The following PATJ variants were observed in gnomAD, a reference collection of about 807,000 sequenced individuals.
PATJ encodes inaD-like protein.
PATJ carries 190 observed loss-of-function variants against 224.9 expected under a neutral mutation model. The ratio of observed to expected loss-of-function variants is 0.84; its 90% CI spans 0.75 to 0.95. PATJ has a LOEUF of 0.95. PATJ is among the 40% of genes least tolerant of loss of function. The probability of loss-of-function intolerance (pLI) is 0.00; values close to 1 mark genes in which losing one functional copy is unlikely to be tolerated. For missense variants in PATJ, 2,121 were observed against 2,270.3 expected, an observed-to-expected ratio of 0.93 and a Z score of 1.34; for synonymous variants, 769 against 820.3, an observed-to-expected ratio of 0.94 and a Z score of 1.07.
In PATJ at chr1:62,111,377, A is replaced by G. The variant is rs574060306; in HGVS notation, c.4462-2676A>G. Among the ~76,000 whole-genome samples the G allele has an allele frequency of 7.2e-5, 11 of 152,334 alleles. No individual in the cohort carries two copies. The South Asian group carries it at 2.3e-3, about 32-fold the overall frequency. The stretch of plus-strand genomic sequence containing the variant: ...ATTCATTGGCCTAAAGTAGCAGTGA[A>G]TGATCATGCTGAGAGGAAAAACAGC... On this transcript the variant is annotated intron_variant, in intron 34 of 43. Transcript: ENST00000642238.
At position 61,766,312 on chromosome 1, in the gene PATJ, T is replaced by G. The variant is rs1401096524; in HGVS notation, c.223T>G (p.Phe75Val). The G allele has an allele frequency of 1.9e-6, 3 of 1,611,568 alleles. No individual in the cohort carries two copies. The highest frequency in any genetic ancestry group is 2.2e-5 in the East Asian group (1 of 44,786). ...TATACCCTCAGATTGTTCAGCCAAC[T>G]TTGATTTTTCTAGGAAAGGTTTGTT... Reference protein sequence around the residue: ...NHIPSDCSANFDFSRKGLLVF... With the variant: ...NHIPSDCSANVDFSRKGLLVF... Residue 75 changes from phenylalanine (F) to valine (V), a missense_variant, in exon 4 of 44, where the codon TTT becomes GTT. Transcript: ENST00000642238.
At chr1:61,979,356 C>T (rs1458926556) in intron 27 of PATJ, among the ~76,000 whole-genome samples, 1 of 151,960 alleles carries the variant, frequency 6.6e-6, no homozygotes, top group Non-Finnish European at 1.5e-5. Context: ...GCCTTTATAA[C>T]AACAAAAGAC....
In PATJ at chr1:61,990,236, A is replaced by T. The variant is rs1644986196; in HGVS notation, c.3739A>T (p.Asn1247Tyr). The change falls in exon 28 of 44, where the codon AAT becomes TAT. Residue 1247 changes from asparagine (N) to tyrosine (Y), a missense_variant. Coordinates refer to ENST00000642238, the MANE Select transcript of PATJ (RefSeq NM_001350145.3). ...LHIIELEKDK[N>Y]GLGLSLAGNK... is the part of the protein sequence containing the mutation. ...CATTATTGAACTTGAAAAAGATAAG[A>T]ATGGACTTGGACTCAGCCTTGCTGG... is the stretch of plus-strand genomic sequence containing the variant. The T allele has an allele frequency of 1.9e-6, 3 of 1,613,824 alleles. No individual in the cohort carries two copies. The highest frequency in any genetic ancestry group is 2.5e-6 in the Non-Finnish European group (3 of 1,179,890).
At chr1:61,922,916 A>T (rs1296042606) in intron 26 of PATJ, among the ~76,000 whole-genome samples, 2 of 152,262 alleles carry the variant, frequency 1.3e-5, no homozygotes, top group African/African-American at 4.8e-5. Flanking sequence ...AGGTGAATGA[A>T]CTTGTTACTA....
intron 39 of PATJ, among the ~76,000 whole-genome samples, 164 bp downstream of exon 39, chr1:62,123,222 C>T (rs539587489): frequency 1.3e-5 from 2 of 152,012 alleles, no homozygotes; most frequent in Non-Finnish European, 2.9e-5. Context: ...TAGAAAAGTA[C>T]AGTAGAGCAC....
intron 20 of PATJ, chr1:61,865,167 TGTGTATATATATAC>T (rs1292865600): frequency 1.3e-5 from 2 of 152,212 alleles, no homozygotes; most frequent in Non-Finnish European, 2.9e-5. Flanking sequence ...GCATTGTGTG[TGTGTATATATATAC>T]GTGTATATAT....
chr1:62,092,011 G>A (rs1454115978), intron 33 of PATJ, among the ~76,000 whole-genome samples: 3 of 147,724 alleles, frequency 2.0e-5, no homozygotes, highest in East Asian at 2.0e-4. Context: ...AGCCGAGATC[G>A]CACCGCTGCA....
intron 6 of PATJ, among the ~76,000 whole-genome samples, chr1:61,774,961 A>G (rs112447846): frequency 5.9e-5 from 9 of 152,286 alleles, no homozygotes; most frequent in African/African-American, 1.7e-4. Context: ...TTATGATCCA[A>G]TATTCTGCCT....
At chr1:61,948,414 G>A (rs139394634) in intron 27 of PATJ, among the ~76,000 whole-genome samples, 6,598 of 152,232 alleles carry the variant, frequency 0.043, 535 homozygotes, top group African/African-American at 0.15. Flanking sequence ...GATATGGACA[G>A]ACACTTCTCA....
At position 62,159,672 on chromosome 1, in the gene PATJ, G is replaced by T. The variant is rs901788767; in HGVS notation, c.5503-1236G>T. Among the ~76,000 whole-genome samples the T allele has an allele frequency of 3.3e-5, 5 of 150,562 alleles. No homozygotes were observed. In the Admixed American group the frequency reaches 3.3e-4, roughly 10 times the overall value. On this transcript the variant is annotated intron_variant, in intron 43 of 43. Coordinates refer to ENST00000642238, the MANE Select transcript of PATJ (RefSeq NM_001350145.3). ...AGGTTCAAGTGATCCTCCTGCCTCAGCCTCCCGAGGAGCTGGGACCACAGG... is the reference window on the plus strand; with the variant it reads ...AGGTTCAAGTGATCCTCCTGCCTCATCCTCCCGAGGAGCTGGGACCACAGG...
rs113907179 is a variant in PATJ at position 61,870,076 on chromosome 1, G to A, written c.2836-5167G>A. Among the ~76,000 whole-genome samples the A allele has an allele frequency of 6.4e-3, 975 of 152,378 alleles. 14 individuals carry two copies. The highest frequency in any genetic ancestry group is 0.022 in the African/African-American group (934 of 41,600). On this transcript the variant is annotated intron_variant, in intron 20 of 43. Coordinates refer to ENST00000642238, the MANE Select transcript of PATJ (RefSeq NM_001350145.3). The stretch of plus-strand genomic sequence containing the variant: ...GCTGCCCTCTGCCAGCGAGGGCAAA[G>A]GGCCAGTGTGACAGCCTTTTGTATC...
intron 40 of PATJ, 99 bp downstream of exon 40, chr1:62,128,193 C>A: frequency 2.9e-6 from 4 of 1,391,892 alleles, no homozygotes; most frequent in South Asian, 1.3e-5. Flanking sequence ...ATTCCAGTAG[C>A]CATCAGAGAC....
intron 26 of PATJ, among the ~76,000 whole-genome samples, chr1:61,917,474 A>G (rs1673616732): frequency 6.8e-6 from 1 of 147,090 alleles, no homozygotes; most frequent in Non-Finnish European, 1.5e-5. Flanking sequence ...AAGTATGTGC[A>G]TCTATAAATT....
chr1:61,761,483 A>G (rs1361734124), intron 1 of PATJ, among the ~76,000 whole-genome samples: 1 of 152,156 alleles, frequency 6.6e-6, no homozygotes, highest in East Asian at 1.9e-4. Flanking sequence ...GTTTAATATA[A>G]GTTTTATGTG....
intron 41 of PATJ, among the ~76,000 whole-genome samples, chr1:62,147,289 G>A (rs758406507): frequency 3.1e-5 from 3 of 96,066 alleles, no homozygotes; most frequent in Non-Finnish European, 4.0e-5. Flanking sequence ...TTAAATAATA[G>A]AAGGAATGGC....
chr1:61,939,832 C>A (rs1677521602), intron 27 of PATJ, among the ~76,000 whole-genome samples: 1 of 151,552 alleles, frequency 6.6e-6, no homozygotes, highest in African/African-American at 2.4e-5. Flanking sequence ...CACCACCATG[C>A]CTGACTAATT....
chr1:61,984,715 A>T (rs1644648447), intron 27 of PATJ, among the ~76,000 whole-genome samples: 1 of 152,100 alleles, frequency 6.6e-6, no homozygotes, highest in Non-Finnish European at 1.5e-5. Flanking sequence ...GTTGAGAATT[A>T]GCTAGAACAT....
intron 37 of PATJ, among the ~76,000 whole-genome samples, chr1:62,119,232 A>T (rs1664788299): frequency 1.3e-5 from 2 of 152,208 alleles, no homozygotes; most frequent in Non-Finnish European, 2.9e-5. Context: ...CTATTTGGCT[A>T]ATTAGAAGAA....
rs1673218385 is a variant in PATJ at position 61,914,816 on chromosome 1, G to C, written c.3570+152G>C. On this transcript the variant is annotated intron_variant, in intron 26 of 43. Transcript: ENST00000642238. The stretch of plus-strand genomic sequence containing the variant: ...AATTTTTTTCCCTGCAAATATGACT[G>C]GTTCTTACCAGGATGGAGGACAGAA... The C allele has an allele frequency of 6.4e-6, 3 of 471,686 alleles. No individual in the cohort carries two copies. In the South Asian group the frequency reaches 7.4e-5, roughly 12 times the overall value. The allele number at this position is 471,686 out of a possible 1,614,324, so 29.2% of individuals were successfully genotyped here. A position where few individuals can be genotyped will look rare whatever the true frequency, so the allele number is the denominator to read the frequency against.
Sources: allele counts gnomAD v4.1 joint callset (sites outside exome capture counted in the v4.1 genomes callset), GRCh38; gene constraint gnomAD v4.1.1; transcripts MANE v1.5; gene names NCBI Gene and HGNC (gene_info 2026-07-23, HGNC 2026-07-21).